TBC1D1: variants seen among roughly 807,000 people sequenced by gnomAD.
The protein encoded by TBC1D1 is TBC1 domain family member 1, also known as TBC1 (tre-2/USP6, BUB2, cdc16) domain family, member 1.
In TBC1D1, 89 loss-of-function variants were observed where a neutral mutation model predicts 125.6. That is an observed-to-expected ratio of 0.71 (90% CI 0.60 to 0.85). The LOEUF (loss-of-function observed/expected upper bound fraction) is 0.85, where lower values mean the gene tolerates loss of function less well. Among genes scored for constraint, TBC1D1 ranks in the 40% least tolerant of loss-of-function variants. The pLI is 0.00. For missense variants in TBC1D1, 1,377 were observed against 1,469.2 expected (o/e 0.94, Z 1.03); for synonymous variants, 565 against 564.1 (o/e 1.00, Z -0.02).
At chr4:37,961,044 A>C (rs770191654) in intron 2 of TBC1D1, 20 of 1,610,476 alleles carry the variant, frequency 1.2e-5, no homozygotes, top group Non-Finnish European at 1.4e-5. Flanking sequence ...TAGATATTTA[A>C]ATTTCTTAGT....
chr4:37,908,308 A>T (rs537309139), intron 2 of TBC1D1, among the ~76,000 whole-genome samples: 52 of 152,106 alleles, frequency 3.4e-4, no homozygotes, highest in African/African-American at 1.2e-3. Flanking sequence ...CGGGTTCAAG[A>T]GATTCTCCTG....
chr4:37,892,914 C>T (rs1452014466), intron 1 of TBC1D1, among the ~76,000 whole-genome samples: 2 of 152,190 alleles, frequency 1.3e-5, no homozygotes, highest in African/African-American at 4.8e-5. Context: ...CCCTAGAAGA[C>T]AGCTTTGACC....
rs1560618395 is a variant in TBC1D1, at chr4:38,014,388, C to T, written c.418-121C>T. 6.5e-6 allele frequency: 6 copies of T among 926,966 alleles called. No individual in the cohort carries two copies. 57.4% of individuals were successfully genotyped at this position (926,966 alleles called of 1,614,324 possible). ...CCGTGGGCTCCTCCTCCAGTGGGCTCCTCCTCCAGTGCTCCGCAGTGGAGT... is the reference window on the plus strand; with the variant it reads ...CCGTGGGCTCCTCCTCCAGTGGGCTTCTCCTCCAGTGCTCCGCAGTGGAGT... On this transcript the variant is annotated intron_variant, in intron 2 of 19. Coordinates refer to ENST00000261439, the MANE Select transcript of TBC1D1 (RefSeq NM_015173.4). This position sits in a 1 kb window ranked among gnomAD's most constrained non-coding sequence, Gnocchi z 5.1.
chr4:37,915,708 TC>T (rs1719586623), intron 2 of TBC1D1, among the ~76,000 whole-genome samples: 1 of 152,106 alleles, frequency 6.6e-6, no homozygotes, highest in Non-Finnish European at 1.5e-5. Context: ...CATCATCACG[TC>T]CCCTGTGCAC....
intron 14 of TBC1D1, 116 bp from the exon 17 acceptor site, chr4:38,102,880 CAAA>C (rs57043774): frequency 5.1e-3 from 4,856 of 961,132 alleles, no homozygotes; most frequent in South Asian, 8.2e-3. Flanking sequence ...GACTCTGTCT[CAAA>C]AAAAAAAAAA....
chr4:37,996,157 A>C, intron 2 of TBC1D1: 1 of 416,966 alleles, frequency 2.4e-6, no homozygotes, highest in Non-Finnish European at 4.9e-6. Context: ...GAAGACATGT[A>C]CCTGGGTGTG....
intron 12 of TBC1D1, among the ~76,000 whole-genome samples, chr4:38,078,580 GT>G (rs1383719547): frequency 6.6e-6 from 1 of 152,146 alleles, no homozygotes; most frequent in Non-Finnish European, 1.5e-5. Flanking sequence ...TGGGATTACT[GT>G]CATCCCAAAA....
At chr4:37,899,505 C>T (rs572629526) in intron 1 of TBC1D1, among the ~76,000 whole-genome samples, 2 of 152,208 alleles carry the variant, frequency 1.3e-5, no homozygotes, top group Admixed American at 6.5e-5. Flanking sequence ...GTGCAAATTG[C>T]CCCCCATCTC....
chr4:37,991,821 C>A (rs1451849313), intron 2 of TBC1D1, among the ~76,000 whole-genome samples: 2 of 152,168 alleles, frequency 1.3e-5, no homozygotes, highest in Admixed American at 1.3e-4. Flanking sequence ...TTCCAGCCTC[C>A]TGTGGCTGCA....
At chr4:38,000,556 G>A (rs1438179772) in intron 2 of TBC1D1, among the ~76,000 whole-genome samples, 1 of 152,086 alleles carries the variant, frequency 6.6e-6, no homozygotes. Context: ...GGATTTTTGG[G>A]CTAGGGATCC....
In TBC1D1 at chr4:38,137,477, C is replaced by A. The variant is rs992477791; in HGVS notation, c.*142C>A. 2.5e-6 allele frequency: 3 copies of A among 1,215,836 alleles called. No homozygotes were observed. The highest frequency in any genetic ancestry group is 3.2e-6 in the Non-Finnish European group (3 of 950,660). The allele number at this position is 1,215,836 out of a possible 1,614,324, so 75.3% of individuals were successfully genotyped here. ...CGGCTTGCCAGCAAGTAGATTCTTA[C>A]GAACTCCAACTTGCAATTCAGGGGG... On this transcript the variant is annotated 3_prime_UTR_variant, in exon 20 of 20. Transcript: ENST00000261439.
intron 2 of TBC1D1, among the ~76,000 whole-genome samples, chr4:37,997,549 T>G (rs1366770438): frequency 1.3e-5 from 2 of 152,170 alleles, no homozygotes; most frequent in Non-Finnish European, 2.9e-5. Flanking sequence ...AAGACTAAAG[T>G]TTAAGAAAAA....
chr4:38,002,737 G>A (rs530799952), intron 2 of TBC1D1, among the ~76,000 whole-genome samples: 8 of 152,228 alleles, frequency 5.3e-5, no homozygotes, highest in African/African-American at 1.4e-4. Flanking sequence ...CTGCCTTGAC[G>A]TGCCATAAAA....
chr4:37,901,071 CAA>C (rs60371395), intron 1 of TBC1D1, among the ~76,000 whole-genome samples: 84 of 136,408 alleles, frequency 6.2e-4, no homozygotes, highest in African/African-American at 1.0e-3. Flanking sequence ...GACTCTGTCT[CAA>C]AAAAAAAAAA....
intron 16 of TBC1D1, among the ~76,000 whole-genome samples, chr4:38,116,965 C>T (rs918211201): frequency 6.6e-6 from 1 of 152,224 alleles, no homozygotes; most frequent in Non-Finnish European, 1.5e-5. Flanking sequence ...ATAGAAGGAA[C>T]TCATTCACTG....
chr4:37,942,705 A>AT (rs1400635061), intron 2 of TBC1D1, among the ~76,000 whole-genome samples: 8 of 151,672 alleles, frequency 5.3e-5, no homozygotes, highest in South Asian at 2.1e-4. Flanking sequence ...CGCCTGGCTA[A>AT]TTTTTTTTGT....
intron 1 of TBC1D1, among the ~76,000 whole-genome samples, chr4:37,894,926 A>C (rs1446569136): frequency 1.3e-5 from 2 of 152,222 alleles, no homozygotes; most frequent in Non-Finnish European, 2.9e-5. Context: ...CACCTTCACA[A>C]TTTATTAGTG....
At chr4:38,030,145 C>A (rs1173300676) in intron 7 of TBC1D1, among the ~76,000 whole-genome samples, 2 of 152,178 alleles carry the variant, frequency 1.3e-5, no homozygotes, top group Admixed American at 6.5e-5. Flanking sequence ...CGTAGCTCTC[C>A]CTAAAACAGT....
chr4:37,960,336 T>A (rs1729726678), intron 2 of TBC1D1: 1 of 1,129,692 alleles, frequency 8.9e-7, no homozygotes, highest in Non-Finnish European at 1.3e-6. Flanking sequence ...AAAAATTAGA[T>A]ATTACACCAA....
Sources: gnomAD v4.1 joint callset for allele counts (sites outside exome capture counted in the v4.1 genomes callset) on GRCh38, gnomAD v4.1.1 for gene constraint, Gnocchi (gnomAD v3.1) non-coding constraint, MANE v1.5 for transcripts, NCBI Gene and HGNC (gene_info 2026-07-23, HGNC 2026-07-21) for gene names.